Variants in NRXN3 observed in about 807,000 individuals in gnomAD.
The protein encoded by NRXN3 is neurexin 3.
A neutral mutation model predicts 137.6 loss-of-function variants in NRXN3; 32 were observed. The ratio of observed to expected loss-of-function variants is 0.23; its 90% CI spans 0.18 to 0.31. The LOEUF is 0.31. NRXN3 is among the 10% of genes least tolerant of loss of function. The probability of loss-of-function intolerance (pLI) is 1.00; values close to 1 mark genes in which losing one functional copy is unlikely to be tolerated. For synonymous variants in NRXN3, 798 were observed against 784.5 expected, an observed-to-expected ratio of 1.02 and a Z score of -0.29; for missense variants, 1,574 against 2,062.5, an observed-to-expected ratio of 0.76 and a Z score of 4.59.
At chr14:79,317,536 A>G (rs566492559) in intron 15 of NRXN3, among the ~76,000 whole-genome samples, 1 of 152,118 alleles carries the variant, frequency 6.6e-6, no homozygotes, top group East Asian at 1.9e-4. Flanking sequence ...TAGTGACCCT[A>G]TTTCCAAATA....
chr14:79,347,220 TGA>T (rs1274994600), intron 15 of NRXN3, among the ~76,000 whole-genome samples: 2 of 152,062 alleles, frequency 1.3e-5, no homozygotes, highest in Admixed American at 6.6e-5. Flanking sequence ...TTTAATTTTC[TGA>T]GAGAAGGTTT....
At chr14:79,005,866 G>A (rs865877849) in intron 15 of NRXN3, among the ~76,000 whole-genome samples, 2 of 152,040 alleles carry the variant, frequency 1.3e-5, no homozygotes, top group African/African-American at 4.8e-5. Context: ...AAAAACGAGT[G>A]GGTTTCTTAC....
At chr14:78,565,290 C>G (rs1050343647) in intron 4 of NRXN3, among the ~76,000 whole-genome samples, 1 of 152,162 alleles carries the variant, frequency 6.6e-6, no homozygotes, top group South Asian at 2.1e-4. Flanking sequence ...TCCTGTTTCC[C>G]CTGTAAACAG....
chr14:78,953,912 C>G (rs1442091542), intron 10 of NRXN3, among the ~76,000 whole-genome samples: 1 of 152,152 alleles, frequency 6.6e-6, no homozygotes, highest in African/African-American at 2.4e-5. Context: ...TAAGTTCTCA[C>G]TAGTTTCATT....
chr14:78,934,633 A>G (rs2099330437), intron 10 of NRXN3, among the ~76,000 whole-genome samples: 1 of 152,186 alleles, frequency 6.6e-6, no homozygotes, highest in East Asian at 1.9e-4. Context: ...AGAAGAAATA[A>G]AAAATGATGA....
At chr14:79,621,153 A>G (rs1361335946) in intron 16 of NRXN3, among the ~76,000 whole-genome samples, 1 of 152,160 alleles carries the variant, frequency 6.6e-6, no homozygotes, top group Non-Finnish European at 1.5e-5. Flanking sequence ...ATTTTTGTGA[A>G]TAAACTGAAA....
rs567506389 is a variant in NRXN3, at chr14:78,318,259, A to T, written c.757+20399A>T. On this transcript the variant is annotated intron_variant, in intron 4 of 20. Coordinates refer to ENST00000335750, the MANE Select transcript of NRXN3 (RefSeq NM_001330195.2). ...TGTGGAATCAGGGACTCAGCATCTT[A>T]GGATCTTAGTTCATTGACATGAAAA... is the stretch of plus-strand genomic sequence containing the variant. Among the ~76,000 whole-genome samples, 81 of 152,328 alleles carry T rather than the reference A, an allele frequency of 5.3e-4. 1 individual carries two copies. Among genetic ancestry groups the T allele is most frequent in the Admixed American group, 5.9e-4 (9 of 15,300 alleles).
intron 10 of NRXN3, among the ~76,000 whole-genome samples, chr14:78,835,989 C>G (rs1254222794): frequency 6.6e-6 from 1 of 152,132 alleles, no homozygotes; most frequent in Non-Finnish European, 1.5e-5. Flanking sequence ...TCCTGATTGT[C>G]CCCCAATGTA....
At chr14:79,570,471 C>CT (rs2097588749) in intron 16 of NRXN3, 1 of 152,228 alleles carries the variant, frequency 6.6e-6, no homozygotes, top group Non-Finnish European at 1.5e-5. Context: ...ACTTCTATCC[C>CT]TTTTCACCAG....
At chr14:78,656,798 C>A (rs1184577639) in intron 6 of NRXN3, among the ~76,000 whole-genome samples, 1 of 152,086 alleles carries the variant, frequency 6.6e-6, no homozygotes, top group Non-Finnish European at 1.5e-5. Flanking sequence ...AATCCCAGAA[C>A]TTTGGGAGGC....
chr14:78,697,608 T>C lies in NRXN3; in HGVS notation c.1222-11609T>C, dbSNP rs920625278. 6.6e-5 allele frequency among the ~76,000 whole-genome samples: 10 copies of C among 152,006 alleles called. 1 individual carries two copies. The highest frequency in any genetic ancestry group is 2.6e-4 in the Admixed American group (4 of 15,258). On this transcript the variant is annotated intron_variant, in intron 6 of 20. Transcript: ENST00000335750. ...ATTTACTAAAGGTAATGCAAACTCA[T>C]AGGTAAAAGTATTAGGGCCTATATA...
intron 10 of NRXN3, among the ~76,000 whole-genome samples, chr14:78,810,859 A>G (rs959280424): frequency 3.3e-5 from 5 of 152,248 alleles, no homozygotes; most frequent in African/African-American, 1.2e-4. Context: ...ATAAGGCAAC[A>G]CTTTAACCAA....
intron 4 of NRXN3, among the ~76,000 whole-genome samples, chr14:78,501,600 CA>C (rs1426636860): frequency 6.6e-6 from 1 of 152,120 alleles, no homozygotes; most frequent in Non-Finnish European, 1.5e-5. Context: ...TACTTGGGCA[CA>C]AATACTAGGA....
intron 16 of NRXN3, among the ~76,000 whole-genome samples, chr14:79,589,756 G>C (rs1268772422): frequency 2.0e-5 from 3 of 151,530 alleles, no homozygotes. Flanking sequence ...TATTTACTCA[G>C]GGTTAACAAC....
At chr14:78,803,957 G>A (rs1209386531) in intron 9 of NRXN3, 134 bp downstream of exon 9, 1 of 831,364 alleles carries the variant, frequency 1.2e-6, no homozygotes, top group Non-Finnish European at 2.0e-6. Context: ...ACAGACCCAG[G>A]ATAAAACCCA....
In NRXN3 at chr14:78,243,879, C is replaced by T; in HGVS notation, c.709+77C>T. The T allele has an allele frequency of 9.5e-7, 1 of 1,049,730 alleles. No homozygotes were observed. The highest frequency in any genetic ancestry group is 1.4e-6 in the Non-Finnish European group (1 of 722,070). The allele number at this position is 1,049,730 out of a possible 1,614,324, so 65.0% of individuals were successfully genotyped here. A position where few individuals can be genotyped will look rare whatever the true frequency, so the allele number is the denominator to read the frequency against. On this transcript the variant is annotated intron_variant, in intron 2 of 20. Coordinates refer to ENST00000335750, the MANE Select transcript of NRXN3 (RefSeq NM_001330195.2). This position sits in a 1 kb window ranked among gnomAD's most constrained non-coding sequence, Gnocchi z 4.2. ...CTGGGGCTCCTGATACAAACCAGTT[C>T]TATATGGATGCATATCTTTAGCTGC... is the stretch of plus-strand genomic sequence containing the variant.
Position 78,365,384 on chromosome 14 carries a change from G to C in NRXN3, c.757+67524G>C, listed in dbSNP as rs187170326. On this transcript the variant is annotated intron_variant, in intron 4 of 20. Transcript: ENST00000335750. ...GTACAGGTCAGCTGAGCAGAGTAAG[G>C]CTTTACTCCATGCAGACATTCAGAT... 6.8e-3 allele frequency among the ~76,000 whole-genome samples: 1,038 copies of C among 152,194 alleles called. 9 individuals carry two copies. Among genetic ancestry groups the C allele is most frequent in the African/African-American group, 0.024 (977 of 41,536 alleles).
At chr14:79,498,952 CT>C (rs1424260978) in intron 16 of NRXN3, among the ~76,000 whole-genome samples, 5 of 152,124 alleles carry the variant, frequency 3.3e-5, no homozygotes, top group African/African-American at 7.2e-5. Flanking sequence ...GCCCAGTTAA[CT>C]TTTTTCTTTC....
intron 16 of NRXN3, among the ~76,000 whole-genome samples, chr14:79,620,576 G>T (rs2153897808): frequency 6.6e-6 from 1 of 152,266 alleles, no homozygotes; most frequent in East Asian, 1.9e-4. Flanking sequence ...CAGCATGGCT[G>T]AATAGACCTG....
Sources: allele counts gnomAD v4.1 joint callset (sites outside exome capture counted in the v4.1 genomes callset), GRCh38; gene constraint gnomAD v4.1.1; non-coding constraint Gnocchi (gnomAD v3.1); transcripts MANE v1.5; gene names NCBI Gene and HGNC (gene_info 2026-07-23, HGNC 2026-07-21).